Variants in ZNF155 observed in about 807,000 individuals in gnomAD.
ZNF155 encodes zinc finger protein 155.
A neutral mutation model predicts 11.9 loss-of-function variants in ZNF155; 15 were observed. That is an observed-to-expected ratio of 1.26 (90% CI 0.84 to 1.94). ZNF155 has a LOEUF of 1.94. Ranked by LOEUF, ZNF155 falls within the 30% of genes most tolerant of loss-of-function variation. The probability of loss-of-function intolerance (pLI) is 0.00; values close to 1 mark genes in which losing one functional copy is unlikely to be tolerated. For synonymous variants in ZNF155, 212 were observed against 219.9 expected (o/e 0.96, Z 0.32); for missense variants, 602 against 639.1 (o/e 0.94, Z 0.63).
intron 4 of ZNF155, among the ~76,000 whole-genome samples, chr19:43,995,535 G>T (rs445265): frequency 1.3e-5 from 2 of 151,468 alleles, no homozygotes; most frequent in African/African-American, 4.9e-5. Context: ...CAGAGTGCAC[G>T]ACCACACCTG....
At chr19:43,987,038 A>G (rs1290229012) in intron 1 of ZNF155, among the ~76,000 whole-genome samples, 2 of 152,166 alleles carry the variant, frequency 1.3e-5, no homozygotes, top group Non-Finnish European at 2.9e-5. Flanking sequence ...TAGAAAGGGC[A>G]GGTTATAGGG....
intron 4 of ZNF155, among the ~76,000 whole-genome samples, chr19:43,992,774 A>G (rs1221866718): frequency 6.6e-6 from 1 of 152,230 alleles, no homozygotes; most frequent in Non-Finnish European, 1.5e-5. Flanking sequence ...TGTGTAACAT[A>G]ATAGGAAGGC....
intron 1 of ZNF155, among the ~76,000 whole-genome samples, chr19:43,985,533 C>CTTTTTTT (rs752604890): frequency 1.8e-4 from 18 of 97,826 alleles, no homozygotes; most frequent in Non-Finnish European, 2.2e-4. Context: ...TGCTCTTTTT[C>CTTTTTTT]TTTTTTTTTT....
At chr19:43,988,106 G>A (rs1304243741) in intron 1 of ZNF155, among the ~76,000 whole-genome samples, 3 of 152,146 alleles carry the variant, frequency 2.0e-5, no homozygotes, top group Non-Finnish European at 4.4e-5. Context: ...GGACAACATA[G>A]CAAGACCCCA....
Position 43,997,323 on chromosome 19 carries a change from G to A in ZNF155, c.1466G>A (p.Cys489Tyr). The change falls in exon 5 of 5, where the codon TGT (cysteine) becomes TAT (tyrosine). Residue 489 changes from cysteine to tyrosine, a missense_variant. Cys to Tyr is a radical substitution (Grantham distance 194). Coordinates refer to ENST00000270014, the MANE Select transcript of ZNF155 (RefSeq NM_198089.3). ...CQKKPFKCED[C>Y]GKRLVHRTYR... ...AAAAAACCATTCAAATGTGAGGACT[G>A]TGGAAAGAGGCTTGTACACAGGACA... 6.2e-7 allele frequency: 1 copy of A among 1,614,184 alleles called. No individual in the cohort carries two copies. Among genetic ancestry groups the A allele is most frequent in the Non-Finnish European group, 8.5e-7 (1 of 1,180,028 alleles).
Position 43,997,005 on chromosome 19 carries a change from G to A in ZNF155, c.1148G>A (p.Trp383Ter). Residue 383 changes from tryptophan (W) to a stop codon, truncating the protein, a stop_gained, in exon 5 of 5, where the codon TGG becomes TAG. Transcript: ENST00000270014. LOFTEE classifies it low-confidence loss of function (END_TRUNC). Reference sequence around the variant, plus strand: ...AAAGAATGTGGGAAGAGCTTCAGATGGTCCTCATGCCTTTTGAACCATCAG... The same window carrying A: ...AAAGAATGTGGGAAGAGCTTCAGATAGTCCTCATGCCTTTTGAACCATCAG... Reference protein sequence around the residue: ...NCKECGKSFRWSSCLLNHQRV... With the variant: ...NCKECGKSFR 6.2e-7 allele frequency: 1 copy of A among 1,614,176 alleles called. No homozygotes were observed. The highest frequency in any genetic ancestry group is 8.5e-7 in the Non-Finnish European group (1 of 1,180,026).
At position 43,991,886 on chromosome 19, in the gene ZNF155, GA is replaced by G; in HGVS notation, c.191del (p.Lys64SerfsTer4). ...HQDTCHFLRE[E>X]KFWMMGTATQ... ...AGATACTTGCCACTTCCTAAGGGAAGAAAAGTTTTGGATGATGGGGACAGCA... is the reference window on the plus strand; with the variant it reads ...AGATACTTGCCACTTCCTAAGGGAAGAAAGTTTTGGATGATGGGGACAGCA... On this transcript the variant is annotated frameshift_variant, in exon 4 of 5. Transcript: ENST00000270014. LOFTEE classifies it low-confidence loss of function (END_TRUNC). The G allele has an allele frequency of 1.9e-6, 3 of 1,614,026 alleles. No individual in the cohort carries two copies. Among genetic ancestry groups the G allele is most frequent in the Non-Finnish European group, 2.5e-6 (3 of 1,179,946 alleles).
At chr19:43,985,837 G>A (rs1380912015) in intron 1 of ZNF155, among the ~76,000 whole-genome samples, 1 of 152,230 alleles carries the variant, frequency 6.6e-6, no homozygotes, top group Non-Finnish European at 1.5e-5. Flanking sequence ...ACCGCGCCCG[G>A]TCGCTCTTTT....
intron 2 of ZNF155, 66 bp from the exon 3 acceptor site, chr19:43,991,482 C>T (rs770798980): frequency 5.0e-5 from 81 of 1,611,086 alleles, no homozygotes; most frequent in Non-Finnish European, 6.6e-5. Context: ...TTCCCCTGCT[C>T]AATGCCGCTT....
intron 2 of ZNF155, chr19:43,990,240 A>C (rs944096126): frequency 3.6e-6 from 2 of 561,712 alleles, no homozygotes; most frequent in Non-Finnish European, 6.0e-6. Flanking sequence ...ATGTTCTTAC[A>C]TCTTGCTACA....
Position 43,991,547 on chromosome 19 carries a change from G to A in ZNF155, c.16-1G>A, listed in dbSNP as rs2147386779. 6.2e-7 allele frequency: 1 copy of A among 1,614,084 alleles called. No homozygotes were observed. The highest frequency in any genetic ancestry group is 8.5e-7 in the Non-Finnish European group (1 of 1,180,002). ...GAAGTTATGTCTTCTTGATGTTGTA[G>A]GAGGCAGTGACCTTCAAGGATGTGG... On this transcript the variant is annotated splice_acceptor_variant, in intron 2 of 4. Coordinates refer to ENST00000270014, the MANE Select transcript of ZNF155 (RefSeq NM_198089.3). LOFTEE classifies it high-confidence loss of function.
At position 43,997,120 on chromosome 19, in the gene ZNF155, C is replaced by T; in HGVS notation, c.1263C>T (p.Ser421=). 6.2e-7 allele frequency: 1 copy of T among 1,614,094 alleles called. No homozygotes were observed. Among genetic ancestry groups the T allele is most frequent in the Non-Finnish European group, 8.5e-7 (1 of 1,180,022 alleles). Residue 421 remains serine (S), a synonymous_variant, in exon 5 of 5, where the codon TCC becomes TCT. Coordinates refer to ENST00000270014, the MANE Select transcript of ZNF155 (RefSeq NM_198089.3). ...CACAACTGTCTTCCCATCAGAGATC[C>T]CACAGTGGTGAAAAGCCATATAAAT... ...TNSQLSSHQR[S]HSGEKPYKCE...
chr19:43,989,935 G>T (rs765896834), intron 2 of ZNF155: 8 of 803,952 alleles, frequency 1.0e-5, no homozygotes, highest in Non-Finnish European at 1.4e-5. Context: ...AAAAGGAGAA[G>T]TAGAGATGGC....
intron 4 of ZNF155, among the ~76,000 whole-genome samples, chr19:43,995,686 T>C (rs899446213): frequency 1.3e-5 from 2 of 152,182 alleles, no homozygotes; most frequent in African/African-American, 4.8e-5. Flanking sequence ...TTAACTTCTT[T>C]ATAAGGATAT....
Position 43,996,487 on chromosome 19 carries a change from C to T in ZNF155, c.630C>T (p.Gly210=). The T allele has an allele frequency of 6.2e-7, 1 of 1,614,084 alleles. No homozygotes were observed. The highest frequency in any genetic ancestry group is 1.1e-5 in the South Asian group (1 of 91,084). Residue 210 remains glycine, a synonymous_variant, in exon 5 of 5, where the codon GGC becomes GGT. Transcript: ENST00000270014. ...AACTCTTTATGTGTGATGTGTGTGG[C>T]AAGGAATTTAGTCAAAGCTCACATC... The part of the protein sequence containing the change: ...GEKLFMCDVC[G]KEFSQSSHLQ...
intron 1 of ZNF155, among the ~76,000 whole-genome samples, chr19:43,987,308 T>C (rs892592388): frequency 5.9e-5 from 9 of 152,220 alleles, no homozygotes; most frequent in African/African-American, 2.2e-4. Flanking sequence ...TTATATGCAT[T>C]GTGTTTACTC....
intron 1 of ZNF155, among the ~76,000 whole-genome samples, chr19:43,987,087 T>G (rs533298864): frequency 6.6e-6 from 1 of 152,342 alleles, no homozygotes; most frequent in Non-Finnish European, 1.5e-5. Context: ...GATATCATAT[T>G]AAATGATATT....
rs1975916014 is a variant in ZNF155 at position 43,997,104 on chromosome 19, C to G, written c.1247C>G (p.Ser416Cys). ...GKGFYTNSQL[S>C]SHQRSHSGEK... ...GGATTTTATACAAATTCACAACTGT[C>G]TTCCCATCAGAGATCCCACAGTGGT... The change falls in exon 5 of 5, where the codon TCT becomes TGT. Residue 416 changes from serine to cysteine, a missense_variant. Transcript: ENST00000270014. The G allele has an allele frequency of 6.2e-7, 1 of 1,613,462 alleles. No individual in the cohort carries two copies. Among genetic ancestry groups the G allele is most frequent in the African/African-American group, 1.3e-5 (1 of 75,024 alleles).
intron 1 of ZNF155, among the ~76,000 whole-genome samples, chr19:43,986,050 C>T (rs538469645): frequency 2.0e-5 from 3 of 152,298 alleles, no homozygotes; most frequent in Non-Finnish European, 4.4e-5. Context: ...GAGCAAGGCT[C>T]ATAGACTTGG....
Sources: gnomAD v4.1 joint callset for allele counts (sites outside exome capture counted in the v4.1 genomes callset) on GRCh38, gnomAD v4.1.1 for gene constraint, MANE v1.5 for transcripts, NCBI Gene and HGNC (gene_info 2026-07-23, HGNC 2026-07-21) for gene names.